SRI: variants seen among roughly 807,000 people sequenced by gnomAD.
SRI encodes sorcin.
A neutral mutation model predicts 33.3 loss-of-function variants in SRI; 30 were observed. That is an observed-to-expected ratio of 0.90 (90% CI 0.67 to 1.22). The LOEUF is 1.22. SRI is among the 50% of genes most tolerant of loss of function. The pLI, the probability that SRI is intolerant of heterozygous loss-of-function variation, is 0.00. For missense variants in SRI, 243 were observed against 250.8 expected (o/e 0.97, Z 0.21); for synonymous variants, 75 against 89.9 (o/e 0.83, Z 0.94).
At position 88,217,297 on chromosome 7, in the gene SRI, T is replaced by A. The variant is rs1851752985; in HGVS notation, c.136-106A>T. Reference sequence around the variant, plus strand: ...ACAACAAAGAAAATCAGTATCTTTTTTTTATTTAAAAGGAATGCCTTTTTT... The same window carrying A: ...ACAACAAAGAAAATCAGTATCTTTTATTTATTTAAAAGGAATGCCTTTTTT... On this transcript the variant is annotated intron_variant, in intron 2 of 7. Transcript: ENST00000265729. 3 of 991,852 alleles carry A rather than the reference T, an allele frequency of 3.0e-6. No individual in the cohort carries two copies. The African/African-American group carries it at 4.9e-5, about 16-fold the overall frequency. 61.4% of individuals were successfully genotyped at this position (991,852 alleles called of 1,614,324 possible).
chr7:88,209,238 A>G, intron 6 of SRI, 101 bp downstream of exon 6: 1 of 997,428 alleles, frequency 1.0e-6, no homozygotes, highest in Non-Finnish European at 1.5e-6. Context: ...CTAAAGCAAG[A>G]AAAAATTTGG....
intron 4 of SRI, chr7:88,210,341 T>C: frequency 3.3e-6 from 2 of 599,912 alleles, no homozygotes; most frequent in African/African-American, 1.9e-5. Context: ...AAAGATAACT[T>C]ACATGACTTG....
At chr7:88,214,599 T>C (rs548611360) in intron 3 of SRI, among the ~76,000 whole-genome samples, 1 of 151,872 alleles carries the variant, frequency 6.6e-6, no homozygotes, top group East Asian at 1.9e-4. Flanking sequence ...ATAGCTTTTA[T>C]TAGTGTTAAT....
chr7:88,211,709 T>C (rs543270145), intron 3 of SRI, among the ~76,000 whole-genome samples: 10 of 152,332 alleles, frequency 6.6e-5, no homozygotes, highest in Non-Finnish European at 1.5e-4. Flanking sequence ...AAATAGTCTA[T>C]GACCTCTTAG....
rs1851483148 is a variant in SRI at position 88,208,350 on chromosome 7, AT to A, written c.570+156del. Reference sequence around the variant, plus strand: ...ACTATAGTTAAGACTAATAAATGAAATTAATAAATTCTGGATGATAACTCTT... The same window carrying A: ...ACTATAGTTAAGACTAATAAATGAAATAATAAATTCTGGATGATAACTCTT... On this transcript the variant is annotated intron_variant, in intron 7 of 7. Coordinates refer to ENST00000265729, the MANE Select transcript of SRI (RefSeq NM_003130.4). 4 of 1,408,298 alleles carry A rather than the reference AT, an allele frequency of 2.8e-6. No individual in the cohort carries two copies. The South Asian group carries it at 6.8e-5, about 24-fold the overall frequency. The allele number at this position is 1,408,298 out of a possible 1,614,324, so 87.2% of individuals were successfully genotyped here.
At chr7:88,210,997 A>G in intron 3 of SRI, 72 bp from the exon 4 acceptor site, 2 of 1,157,162 alleles carry the variant, frequency 1.7e-6, no homozygotes, top group East Asian at 2.4e-5. Context: ...ATACATTCAA[A>G]TTAATTAGAA....
upstream of SRI, chr7:88,220,062 C>T (rs1448795747): frequency 6.7e-7 from 1 of 1,501,956 alleles, no homozygotes; most frequent in South Asian, 1.2e-5. Flanking sequence ...TCGCCCTGTG[C>T]GCCAGGCCTC....
chr7:88,208,595 T>C, intron 6 of SRI, 30 bp from the exon 7 acceptor site: 1 of 1,613,020 alleles, frequency 6.2e-7, no homozygotes, highest in South Asian at 1.1e-5. Flanking sequence ...AATTTATGGT[T>C]TTTCTTTAAA....
In SRI at chr7:88,205,347, A is replaced by G. The variant is rs1229054135; in HGVS notation, c.*1131T>C. 1.3e-5 allele frequency: 2 copies of G among 152,262 alleles called. No homozygotes were observed. The highest frequency in any genetic ancestry group is 6.5e-5 in the Admixed American group (1 of 15,282). 9.4% of individuals were successfully genotyped at this position (152,262 alleles called of 1,614,324 possible). A position where few individuals can be genotyped will look rare whatever the true frequency, so the allele number is the denominator to read the frequency against. ...TCTTGTATCAACACACTTCATATTCAGAACTACTCCCAAGAGATAACATAT... is the reference window on the plus strand; with the variant it reads ...TCTTGTATCAACACACTTCATATTCGGAACTACTCCCAAGAGATAACATAT... On this transcript the variant is annotated 3_prime_UTR_variant, in exon 8 of 8. Coordinates refer to ENST00000265729, the MANE Select transcript of SRI (RefSeq NM_003130.4).
chr7:88,226,382 C>T (rs1271754084), intron 1 of SRI, among the ~76,000 whole-genome samples: 1 of 152,124 alleles, frequency 6.6e-6, no homozygotes, highest in East Asian at 1.9e-4. Flanking sequence ...GTCCCTTTAT[C>T]CAGCCAATCT....
rs774156991 is a variant in SRI, at chr7:88,217,184, T to C, written c.143A>G (p.Gln48Arg). The C allele has an allele frequency of 9.3e-6, 15 of 1,612,462 alleles. No individual in the cohort carries two copies. The highest frequency in any genetic ancestry group is 1.7e-5 in the Admixed American group (1 of 60,000). Reference sequence around the variant, plus strand: ...TCTCTGCAATTCATCAGCATCTATCTGCCCATCCTTTTGAAAAAAAATTAG... The same window carrying C: ...TCTCTGCAATTCATCAGCATCTATCCGCCCATCCTTTTGAAAAAAAATTAG... The part of the protein sequence containing the change: ...YFAAVAGQDG[Q>R]IDADELQRCL... The change falls in exon 3 of 8, where the codon CAG becomes CGG. Residue 48 changes from glutamine to arginine, a missense_variant. Gln to Arg is a conservative substitution (Grantham distance 43). Transcript: ENST00000265729.
chr7:88,214,198 G>T (rs544271494), intron 3 of SRI, among the ~76,000 whole-genome samples: 1 of 152,314 alleles, frequency 6.6e-6, no homozygotes, highest in East Asian at 1.9e-4. Context: ...TGACAAGAAT[G>T]ATGGGGGCAT....
At position 88,205,997 on chromosome 7, in the gene SRI, C is replaced by T. The variant is rs566195518; in HGVS notation, c.*481G>A. ...CAGGTTTTGAAGGGCGTGTGCTAAA[C>T]TTCTAAGGTGAATCCTGACGTGGAT... is the stretch of plus-strand genomic sequence containing the variant. On this transcript the variant is annotated 3_prime_UTR_variant, in exon 8 of 8. Transcript: ENST00000265729. 1.1e-3 allele frequency: 183 copies of T among 167,310 alleles called. No individual in the cohort carries two copies. Among genetic ancestry groups the T allele is most frequent in the Non-Finnish European group, 1.8e-3 (140 of 76,270 alleles). The allele number at this position is 167,310 out of a possible 1,614,324, so 10.4% of individuals were successfully genotyped here. A position where few individuals can be genotyped will look rare whatever the true frequency, so the allele number is the denominator to read the frequency against.
intron 3 of SRI, chr7:88,214,821 C>G (rs1309257931): frequency 8.5e-7 from 1 of 1,175,392 alleles, no homozygotes; most frequent in Admixed American, 3.2e-5. Flanking sequence ...CTCTTCTGTT[C>G]ATTCTACTAG....
upstream of SRI, among the ~76,000 whole-genome samples, chr7:88,222,985 A>C (rs549131563): frequency 2.8e-4 from 42 of 152,048 alleles, no homozygotes; most frequent in Admixed American, 3.9e-4. Context: ...GCAACAAAAG[A>C]CAAAATTGAC....
intron 1 of SRI, among the ~76,000 whole-genome samples, chr7:88,225,331 T>C (rs1851973111): frequency 6.6e-6 from 1 of 152,192 alleles, no homozygotes; most frequent in Non-Finnish European, 1.5e-5. Flanking sequence ...TGTGTGTATT[T>C]TTACAAACAC....
chr7:88,222,912 G>A (rs1851921173), upstream of SRI, among the ~76,000 whole-genome samples: 1 of 151,866 alleles, frequency 6.6e-6, no homozygotes, highest in African/African-American at 2.4e-5. Flanking sequence ...AGAAAACCTA[G>A]GCATTACCAT....
Position 88,205,494 on chromosome 7 carries a change from A to AT in SRI, c.*983dup, listed in dbSNP as rs1272645941. The AT allele has an allele frequency of 6.6e-6, 1 of 152,206 alleles. No individual in the cohort carries two copies. The highest frequency in any genetic ancestry group is 1.5e-5 in the Non-Finnish European group (1 of 68,024). The allele number at this position is 152,206 out of a possible 1,614,324, so 9.4% of individuals were successfully genotyped here. ...CTTACTTGAAAGTGTACAGCTTAAA[A>AT]TTTTTTAAAAAATTCCTTCCATTAT... On this transcript the variant is annotated 3_prime_UTR_variant, in exon 8 of 8. Transcript: ENST00000265729.
chr7:88,213,058 C>T (rs71572404), intron 3 of SRI, among the ~76,000 whole-genome samples: 1 of 152,148 alleles, frequency 6.6e-6, no homozygotes, highest in African/African-American at 2.4e-5. Flanking sequence ...CTGGGAGCCT[C>T]CTCAATTCCC....
Sources: allele counts gnomAD v4.1 joint callset (sites outside exome capture counted in the v4.1 genomes callset), GRCh38; gene constraint gnomAD v4.1.1; transcripts MANE v1.5; gene names NCBI Gene and HGNC (gene_info 2026-07-23, HGNC 2026-07-21).